KHDRBS2: variants seen among roughly 807,000 people sequenced by gnomAD.
The protein encoded by KHDRBS2 is KH domain-containing, RNA-binding, signal transduction-associated protein 2.
A neutral mutation model predicts 44.3 loss-of-function variants in KHDRBS2; 26 were observed. That is an observed-to-expected ratio of 0.59 (90% CI 0.43 to 0.81). KHDRBS2 has a LOEUF of 0.81. Ranked by LOEUF, KHDRBS2 falls within the 40% of genes least tolerant of loss-of-function variation. The pLI, the probability that KHDRBS2 is intolerant of heterozygous loss-of-function variation, is 0.00. For synonymous variants in KHDRBS2, 194 were observed against 151.1 expected (o/e 1.28, Z -2.08); for missense variants, 476 against 433.1 (o/e 1.10, Z -0.88).
At chr6:62,020,778 T>C (rs778913105) in intron 3 of KHDRBS2, among the ~76,000 whole-genome samples, 4 of 152,050 alleles carry the variant, frequency 2.6e-5, no homozygotes, top group Non-Finnish European at 5.9e-5. Flanking sequence ...ATTGGTGTTA[T>C]CAAATCTTTT....
At chr6:62,212,776 G>C (rs552124124) in intron 1 of KHDRBS2, among the ~76,000 whole-genome samples, 31 of 152,234 alleles carry the variant, frequency 2.0e-4, no homozygotes, top group Non-Finnish European at 3.2e-4. Flanking sequence ...CTTAGTTTCA[G>C]ACTTCTGGCC....
intron 6 of KHDRBS2, among the ~76,000 whole-genome samples, chr6:61,891,077 C>T (rs1801752913): frequency 6.6e-6 from 1 of 151,942 alleles, no homozygotes; most frequent in South Asian, 2.1e-4. Context: ...TTTGAGTGCC[C>T]AGTATGTGAC....
chr6:62,086,943 G>GAAA (rs566790054), intron 2 of KHDRBS2, among the ~76,000 whole-genome samples: 9 of 129,560 alleles, frequency 6.9e-5, no homozygotes, highest in African/African-American at 2.3e-4. Flanking sequence ...TGCAATAACT[G>GAAA]AAAAAAAAAA....
At chr6:61,855,438 G>A (rs1796008340) in intron 6 of KHDRBS2, among the ~76,000 whole-genome samples, 1 of 151,302 alleles carries the variant, frequency 6.6e-6, no homozygotes, top group African/African-American at 2.4e-5. Flanking sequence ...ATAATAATAG[G>A]TGCCTCCTAG....
At chr6:62,178,118 T>G (rs1821516169) in intron 1 of KHDRBS2, among the ~76,000 whole-genome samples, 1 of 151,370 alleles carries the variant, frequency 6.6e-6, no homozygotes, top group Non-Finnish European at 1.5e-5. Context: ...CAGTTATGGC[T>G]GGGGGCAAAT....
At chr6:61,866,612 G>C (rs1562332627) in intron 6 of KHDRBS2, among the ~76,000 whole-genome samples, 1 of 152,206 alleles carries the variant, frequency 6.6e-6, no homozygotes. Context: ...CAGAAAATGG[G>C]ATTTTCTTTT....
At chr6:61,587,239 A>G in the KHDRBS2 span, among the ~76,000 whole-genome samples, 3 of 152,184 alleles carry the variant, frequency 2.0e-5, no homozygotes, top group Non-Finnish European at 4.4e-5. Flanking sequence ...GGAGCTGCCA[A>G]TTCAAATATA....
At chr6:62,043,238 C>A (rs1376012174) in intron 3 of KHDRBS2, among the ~76,000 whole-genome samples, 1 of 152,036 alleles carries the variant, frequency 6.6e-6, no homozygotes, top group Non-Finnish European at 1.5e-5. Flanking sequence ...CAACACCCCC[C>A]AAAATAGCAA....
At chr6:61,615,492 AAGT>A in the KHDRBS2 span, among the ~76,000 whole-genome samples, 1 of 152,148 alleles carries the variant, frequency 6.6e-6, no homozygotes, top group African/African-American at 2.4e-5. Flanking sequence ...ATGAAGAAAC[AAGT>A]AGTAGTGTTA....
At chr6:62,091,296 T>C (rs1799458123) in intron 2 of KHDRBS2, among the ~76,000 whole-genome samples, 1 of 152,182 alleles carries the variant, frequency 6.6e-6, no homozygotes, top group Non-Finnish European at 1.5e-5. Flanking sequence ...TATTTTTCAT[T>C]AGATTATGTA....
the KHDRBS2 span, among the ~76,000 whole-genome samples, chr6:61,627,001 C>A: frequency 4.6e-5 from 7 of 151,900 alleles, no homozygotes; most frequent in African/African-American, 1.7e-4. Context: ...CGCCTGTAAT[C>A]CCAGCACTTT....
At chr6:61,931,441 T>C (rs1810027404) in intron 4 of KHDRBS2, among the ~76,000 whole-genome samples, 1 of 152,004 alleles carries the variant, frequency 6.6e-6, no homozygotes, top group South Asian at 2.1e-4. Flanking sequence ...TAAGAATATA[T>C]ACATACACAC....
intron 7 of KHDRBS2, among the ~76,000 whole-genome samples, chr6:61,724,784 A>G (rs1773279461): frequency 6.6e-6 from 1 of 152,216 alleles, no homozygotes; most frequent in Non-Finnish European, 1.5e-5. Flanking sequence ...TATGCACCCA[A>G]TACAGGAACA....
At chr6:61,630,335 T>C in the KHDRBS2 span, 7 of 148,138 alleles carry the variant, frequency 4.7e-5, no homozygotes, top group African/African-American at 1.5e-4. Flanking sequence ...AGTGAGCCAA[T>C]GAACATTTTT....
At chr6:62,238,216 T>C (rs1834018218) in intron 1 of KHDRBS2, among the ~76,000 whole-genome samples, 1 of 152,160 alleles carries the variant, frequency 6.6e-6, no homozygotes, top group Non-Finnish European at 1.5e-5. Flanking sequence ...TAATAATATG[T>C]ATGAAAAAAT....
chr6:62,135,872 G>C (rs891026145), intron 2 of KHDRBS2, among the ~76,000 whole-genome samples: 1 of 151,924 alleles, frequency 6.6e-6, no homozygotes, highest in African/African-American at 2.4e-5. Flanking sequence ...AACAAAAAAA[G>C]GACTGTAAGA....
At chr6:61,754,431 C>T (rs1359183830) in intron 6 of KHDRBS2, among the ~76,000 whole-genome samples, 1 of 152,120 alleles carries the variant, frequency 6.6e-6, no homozygotes, top group South Asian at 2.1e-4. Flanking sequence ...CCCCAAAGTT[C>T]TGTTGTCTCT....
At chr6:62,027,653 C>T (rs1783612410) in intron 3 of KHDRBS2, among the ~76,000 whole-genome samples, 2 of 152,062 alleles carry the variant, frequency 1.3e-5, no homozygotes, top group South Asian at 4.1e-4. Flanking sequence ...TAAAGAATGA[C>T]TTAATCATAC....
At position 61,732,767 on chromosome 6, in the gene KHDRBS2, G is replaced by A. The variant is rs1774694991; in HGVS notation, c.811-3C>T. The A allele has an allele frequency of 1.3e-6, 2 of 1,572,158 alleles. No homozygotes were observed. The highest frequency in any genetic ancestry group is 1.7e-6 in the Non-Finnish European group (2 of 1,143,220). ...CCCCCGTAGCCATCATCATAACCCT[G>A]AGACAAAAAAATGGTAGAAACACCT... On this transcript the variant is annotated splice_region_variant and splice_polypyrimidine_tract_variant and intron_variant, in intron 6 of 8. Transcript: ENST00000281156.
Sources: gnomAD v4.1 joint callset for allele counts (sites outside exome capture counted in the v4.1 genomes callset) on GRCh38, gnomAD v4.1.1 for gene constraint, MANE v1.5 for transcripts, NCBI Gene and HGNC (gene_info 2026-07-23, HGNC 2026-07-21) for gene names.